NBAS: variants seen among roughly 807,000 people sequenced by gnomAD.
The protein encoded by NBAS is NBAS subunit of NRZ tethering complex.
NBAS carries 219 observed loss-of-function variants against 302.5 expected under a neutral mutation model. The ratio of observed to expected loss-of-function variants is 0.72; its 90% CI spans 0.65 to 0.81. NBAS has a LOEUF of 0.81. NBAS is among the 30% of genes least tolerant of loss of function. The pLI is 0.00. For synonymous variants in NBAS, 1,118 were observed against 1,021.6 expected (o/e 1.09, Z -1.80); for missense variants, 2,932 against 2,841.6 (o/e 1.03, Z -0.72).
chr2:15,532,416 G>C (rs1038269579), intron 9 of NBAS, among the ~76,000 whole-genome samples: 1 of 147,966 alleles, frequency 6.8e-6, no homozygotes, highest in African/African-American at 2.5e-5. Context: ...ATGAACCCAA[G>C]AGGCAGAGCT....
chr2:15,329,878 G>A (rs997072081), intron 36 of NBAS, among the ~76,000 whole-genome samples: 1 of 152,074 alleles, frequency 6.6e-6, no homozygotes, highest in African/African-American at 2.4e-5. Flanking sequence ...TGTTATCTCT[G>A]TCATGCTTGT....
At chr2:15,050,057 C>T in the NBAS span, among the ~76,000 whole-genome samples, 4 of 152,306 alleles carry the variant, frequency 2.6e-5, no homozygotes, top group East Asian at 1.9e-4. Context: ...CAGACAAATT[C>T]CGTTTCCTCT....
chr2:15,165,297 T>A (rs1312652663), downstream of NBAS, among the ~76,000 whole-genome samples: 1 of 152,224 alleles, frequency 6.6e-6, no homozygotes, highest in Non-Finnish European at 1.5e-5. Context: ...AGGAAGCTTT[T>A]TTGGCCGCGT....
chr2:14,972,706 C>T, the NBAS span, among the ~76,000 whole-genome samples: 2 of 152,174 alleles, frequency 1.3e-5, no homozygotes, highest in Non-Finnish European at 2.9e-5. Flanking sequence ...AGCAGTGTTG[C>T]CTCTCAAAGA....
At chr2:14,830,631 C>T in the NBAS span, among the ~76,000 whole-genome samples, 4 of 152,140 alleles carry the variant, frequency 2.6e-5, no homozygotes, top group East Asian at 1.9e-4. Flanking sequence ...TTGTTGCCTT[C>T]GTGTAAATGA....
chr2:15,090,384 G>A, the NBAS span, among the ~76,000 whole-genome samples: 5 of 152,160 alleles, frequency 3.3e-5, no homozygotes, highest in African/African-American at 9.7e-5. Context: ...TAAGACATAC[G>A]TATCTGGGTC....
chr2:14,840,530 A>G, the NBAS span, among the ~76,000 whole-genome samples: 16 of 152,234 alleles, frequency 1.1e-4, no homozygotes, highest in Admixed American at 4.6e-4. Context: ...AAGCAGCGAG[A>G]GAAAAGAAGC....
chr2:15,015,317 AAC>A, the NBAS span, among the ~76,000 whole-genome samples: 1 of 151,896 alleles, frequency 6.6e-6, no homozygotes, highest in Non-Finnish European at 1.5e-5. Context: ...ACAAAAAAAG[AAC>A]ACACACACAC....
chr2:14,990,557 T>C, the NBAS span, among the ~76,000 whole-genome samples: 1 of 152,240 alleles, frequency 6.6e-6, no homozygotes, highest in African/African-American at 2.4e-5. Context: ...TGCTTTTAAC[T>C]TTCCAAAGTA....
chr2:14,979,045 G>A, the NBAS span, among the ~76,000 whole-genome samples: 2 of 152,130 alleles, frequency 1.3e-5, no homozygotes, highest in African/African-American at 4.8e-5. Flanking sequence ...TTTCATTTTT[G>A]TGAGTCACTG....
intron 42 of NBAS, among the ~76,000 whole-genome samples, chr2:15,285,508 A>G (rs1248709732): frequency 6.6e-6 from 1 of 152,104 alleles, no homozygotes; most frequent in Non-Finnish European, 1.5e-5. Context: ...TATCCACAAC[A>G]TCACTATTTC....
At chr2:15,173,787 G>T (rs747621459) in intron 51 of NBAS, among the ~76,000 whole-genome samples, 1 of 152,146 alleles carries the variant, frequency 6.6e-6, no homozygotes, top group Non-Finnish European at 1.5e-5. Flanking sequence ...GGATTTGAGG[G>T]CCCTGATCTG....
chr2:14,929,371 ATTATGTTTTG>A, the NBAS span, among the ~76,000 whole-genome samples: 1 of 134,436 alleles, frequency 7.4e-6, no homozygotes, highest in African/African-American at 3.0e-5. Flanking sequence ...TTTACAGTAT[ATTATGTTTTG>A]TTTTGTTTTG....
At chr2:15,365,778 A>G (rs1674169315) in intron 32 of NBAS, among the ~76,000 whole-genome samples, 1 of 152,228 alleles carries the variant, frequency 6.6e-6, no homozygotes, top group Non-Finnish European at 1.5e-5. Flanking sequence ...TAAATATGTT[A>G]CATATATATA....
rs2148162132 is a variant in NBAS, at chr2:15,309,197, G to A, written c.4633C>T (p.Leu1545Phe). 1 of 1,612,990 alleles carries A rather than the reference G, an allele frequency of 6.2e-7. No homozygotes were observed. The highest frequency in any genetic ancestry group is 8.5e-7 in the Non-Finnish European group (1 of 1,179,284). The change falls in exon 39 of 52, where the codon CTT becomes TTT. Residue 1545 changes from leucine (L) to phenylalanine (F), a missense_variant. By Grantham distance (22) the Leu-to-Phe change is conservative. Coordinates refer to ENST00000281513, the MANE Select transcript of NBAS (RefSeq NM_015909.4). ...EALPNDMTLA[L>F]AYLLALPQVL... ...TGTGGTAAGGCAAGAAGGTAAGCAA[G>A]AGCCAAGGTCATGTCATTTGGCAAG... is the stretch of plus-strand genomic sequence containing the variant.
At chr2:14,960,325 T>C in the NBAS span, among the ~76,000 whole-genome samples, 1 of 152,202 alleles carries the variant, frequency 6.6e-6, no homozygotes, top group Non-Finnish European at 1.5e-5. Flanking sequence ...CTTGAAACTA[T>C]GTGTTTATCT....
the NBAS span, among the ~76,000 whole-genome samples, chr2:14,969,770 A>T: frequency 1.3e-5 from 2 of 152,248 alleles, no homozygotes; most frequent in Non-Finnish European, 2.9e-5. Flanking sequence ...AAAACAAATG[A>T]AGTTCAATCC....
intron 48 of NBAS, among the ~76,000 whole-genome samples, chr2:15,209,871 A>T (rs1434124751): frequency 6.6e-6 from 1 of 152,144 alleles, no homozygotes; most frequent in South Asian, 2.1e-4. Flanking sequence ...CAAACATTGG[A>T]GAAAGGACAG....
At chr2:15,400,714 C>T (rs1220512849) in intron 26 of NBAS, among the ~76,000 whole-genome samples, 1 of 152,134 alleles carries the variant, frequency 6.6e-6, no homozygotes, top group Non-Finnish European at 1.5e-5. Flanking sequence ...TATGTTCATA[C>T]ATTATTTATA....
Sources: allele counts gnomAD v4.1 joint callset (sites outside exome capture counted in the v4.1 genomes callset), GRCh38; gene constraint gnomAD v4.1.1; transcripts MANE v1.5; gene names NCBI Gene and HGNC (gene_info 2026-07-23, HGNC 2026-07-21).